The following ASTN2 variants were observed in gnomAD, a reference collection of about 807,000 sequenced individuals.
ASTN2 encodes the protein astrotactin 2.
In ASTN2, 54 loss-of-function variants were observed where a neutral mutation model predicts 139.8. The ratio of observed to expected loss-of-function variants is 0.39; its 90% confidence interval spans 0.31 to 0.48. ASTN2 has a LOEUF of 0.48. Ranked by LOEUF, ASTN2 falls within the 20% of genes least tolerant of loss-of-function variation. The pLI is 0.95. For synonymous variants in ASTN2, 756 were observed against 719.5 expected (o/e 1.05, Z -0.81); for missense variants, 1,565 against 1,725.1 (o/e 0.91, Z 1.64).
intron 11 of ASTN2, among the ~76,000 whole-genome samples, chr9:116,833,912 G>A (rs978223527): frequency 6.6e-6 from 1 of 152,092 alleles, no homozygotes; most frequent in Non-Finnish European, 1.5e-5. Flanking sequence ...GGAGACCAGA[G>A]TTCCCTCCCT....
intron 10 of ASTN2, among the ~76,000 whole-genome samples, chr9:116,864,864 A>G (rs1007338706): frequency 1.4e-4 from 21 of 152,122 alleles, no homozygotes; most frequent in Admixed American, 2.6e-4. Context: ...CTCCAGTCTT[A>G]TCCCTTCTGT....
chr9:117,305,856 T>C (rs1310427872), intron 1 of ASTN2, among the ~76,000 whole-genome samples: 4 of 152,228 alleles, frequency 2.6e-5, no homozygotes, highest in African/African-American at 7.2e-5. Context: ...TGAGTTACTG[T>C]GCCAGCACAA....
chr9:117,399,568 G>C (rs1416213875), intron 1 of ASTN2, among the ~76,000 whole-genome samples: 1 of 152,090 alleles, frequency 6.6e-6, no homozygotes, highest in Non-Finnish European at 1.5e-5. Flanking sequence ...TTTACTGAAA[G>C]TTATTTTGGT....
intron 19 of ASTN2, among the ~76,000 whole-genome samples, chr9:116,571,721 A>T (rs1038039840): frequency 3.3e-5 from 5 of 152,080 alleles, no homozygotes; most frequent in African/African-American, 1.2e-4. Context: ...TGTTGAGTAC[A>T]AGCTGTGTGT....
At chr9:117,374,227 G>A (rs546892274) in intron 1 of ASTN2, among the ~76,000 whole-genome samples, 6 of 152,102 alleles carry the variant, frequency 3.9e-5, no homozygotes, top group South Asian at 2.1e-4. Flanking sequence ...ATCATTGCTC[G>A]AGCTGGGATT....
intron 2 of ASTN2, among the ~76,000 whole-genome samples, chr9:117,289,762 T>C (rs1834541047): frequency 6.6e-6 from 1 of 152,166 alleles, no homozygotes; most frequent in South Asian, 2.1e-4. Flanking sequence ...AGGCACCCAC[T>C]TGCTTGGTGT....
intron 3 of ASTN2, among the ~76,000 whole-genome samples, chr9:117,165,232 G>A (rs551598615): frequency 2.6e-5 from 4 of 152,186 alleles, no homozygotes; most frequent in Non-Finnish European, 5.9e-5. Context: ...GTCTTTTGAC[G>A]AACACTTACA....
chr9:116,532,826 G>T (rs572423675), intron 19 of ASTN2, among the ~76,000 whole-genome samples: 87 of 152,194 alleles, frequency 5.7e-4, no homozygotes, highest in African/African-American at 2.1e-3. Context: ...TTTTGCTTCA[G>T]GTTGTCTTGG....
chr9:116,892,767 A>T (rs569026416), intron 10 of ASTN2, among the ~76,000 whole-genome samples: 14 of 152,280 alleles, frequency 9.2e-5, no homozygotes, highest in African/African-American at 3.4e-4. Context: ...CATGGCTCAA[A>T]TGTCACCTGC....
At chr9:117,074,684 A>G (rs559609699) in intron 5 of ASTN2, among the ~76,000 whole-genome samples, 1 of 152,322 alleles carries the variant, frequency 6.6e-6, no homozygotes, top group African/African-American at 2.4e-5. Flanking sequence ...AGCTGCTTTG[A>G]TGGTGCAGGG....
At position 116,775,018 on chromosome 9, in the gene ASTN2, CCAT is replaced by C. The variant is rs549959200; in HGVS notation, c.2396+30611_2396+30613del. 2.3e-3 allele frequency among the ~76,000 whole-genome samples: 343 copies of C among 152,254 alleles called. 2 individuals are homozygous for C. The highest frequency in any genetic ancestry group is 5.6e-3 in the African/African-American group (231 of 41,560). On this transcript the variant is annotated intron_variant, in intron 13 of 22. Coordinates refer to ENST00000313400, the MANE Select transcript of ASTN2 (RefSeq NM_001365068.1). ...TGCGTCATTAGCTGAGCTCTGAAAGCCATCATTACTGCAGCCACTGTGGCTGAG... is the reference window on the plus strand; with the variant it reads ...TGCGTCATTAGCTGAGCTCTGAAAGCCATTACTGCAGCCACTGTGGCTGAG...
At chr9:116,965,127 T>A (rs2183476) in intron 10 of ASTN2, among the ~76,000 whole-genome samples, 1 of 152,222 alleles carries the variant, frequency 6.6e-6, no homozygotes, top group African/African-American at 2.4e-5. Context: ...TTCCCCAGCT[T>A]AGTCTGTTTG....
At chr9:116,841,317 G>A (rs1832247994) in intron 11 of ASTN2, among the ~76,000 whole-genome samples, 1 of 152,234 alleles carries the variant, frequency 6.6e-6, no homozygotes, top group African/African-American at 2.4e-5. Context: ...AGTGAGCCGA[G>A]ATGGCAGCAG....
At chr9:116,727,013 AAC>A (rs34050784) in intron 15 of ASTN2, among the ~76,000 whole-genome samples, 13,576 of 144,306 alleles carry the variant, frequency 0.094, 687 homozygotes, top group Non-Finnish European at 0.11. Flanking sequence ...CACTACACTC[AAC>A]ACACACACAC....
Position 117,414,842 on chromosome 9 carries a change from G to T in ASTN2, c.97C>A (p.Pro33Thr). The change falls in exon 1 of 23, where the codon CCG (proline) becomes ACG (threonine). Residue 33 changes from proline (P) to threonine (T), a missense_variant. This residue lies in a region of ASTN2 where 596 missense variants were observed against 576.8 expected (regional missense o/e 1.03). Transcript: ENST00000313400. This position sits in a 1 kb window ranked among gnomAD's most constrained non-coding sequence, Gnocchi z 4.2. ...CFHPGPPPLL[P>T]LLLLFLLLLP... ...AGGAGCAGGAACAGCAGCAGCAGCG[G>T]CAGCAGTGGCGGCGGCCCCGGGTGG... The T allele has an allele frequency of 8.7e-7, 1 of 1,149,524 alleles. No homozygotes were observed. Among genetic ancestry groups the T allele is most frequent in the South Asian group, 3.4e-5 (1 of 29,404 alleles). The allele number at this position is 1,149,524 out of a possible 1,614,324, so 71.2% of individuals were successfully genotyped here.
intron 19 of ASTN2, among the ~76,000 whole-genome samples, chr9:116,548,833 G>C (rs886267276): frequency 1.4e-4 from 21 of 152,148 alleles, no homozygotes; most frequent in African/African-American, 4.8e-4. Context: ...CATTGAACTG[G>C]CTTGGTATAG....
intron 13 of ASTN2, among the ~76,000 whole-genome samples, chr9:116,776,570 G>A (rs922037703): frequency 3.9e-5 from 6 of 152,122 alleles, no homozygotes; most frequent in African/African-American, 1.2e-4. Context: ...GATTCTATAT[G>A]TAAAATGGCC....
intron 10 of ASTN2, among the ~76,000 whole-genome samples, chr9:116,927,442 C>T (rs1167826598): frequency 2.0e-5 from 3 of 152,176 alleles, no homozygotes; most frequent in Non-Finnish European, 2.9e-5. Context: ...GTTTTGCTTT[C>T]CTGGCTTTTG....
chr9:116,687,189 C>A, intron 16 of ASTN2: 1 of 1,041,398 alleles, frequency 9.6e-7, no homozygotes, highest in Non-Finnish European at 1.2e-6. Flanking sequence ...CTCACCCCTG[C>A]AGGGCCGCCT....
Sources: allele counts gnomAD v4.1 joint callset (sites outside exome capture counted in the v4.1 genomes callset), GRCh38; gene constraint gnomAD v4.1.1; regional missense constraint gnomAD v4.1.1; non-coding constraint Gnocchi (gnomAD v3.1); transcripts MANE v1.5; gene names NCBI Gene and HGNC (gene_info 2026-07-23, HGNC 2026-07-21).